WDR13: variants seen among roughly 807,000 people sequenced by gnomAD.
WDR13 encodes WD repeat-containing protein 13.
WDR13 carries 1 observed loss-of-function variant against 28.6 expected under a neutral mutation model. The observed-to-expected ratio is 0.03, with a 90% CI of 0.01 to 0.17. The LOEUF (loss-of-function observed/expected upper bound fraction) is 0.17, where lower values mean the gene tolerates loss of function less well. WDR13 is among the 10% of genes least tolerant of loss of function. WDR13 has a pLI of 1.00. For synonymous variants in WDR13, 201 were observed against 185.9 expected, an observed-to-expected ratio of 1.08 and a Z score of -0.66; for missense variants, 264 against 469.3, an observed-to-expected ratio of 0.56 and a Z score of 4.04.
At chrX:48,598,668 A>G in intron 2 of WDR13, 49 bp from the exon 3 acceptor site, 2 of 469,329 alleles carry the variant, frequency 4.3e-6, no homozygotes, top group Non-Finnish European at 6.0e-6. Context: ...GAGCTGATTG[A>G]TTCCCTCTGT....
intron 6 of WDR13, among the ~76,000 whole-genome samples, chrX:48,601,260 T>C (rs1360481136): frequency 8.9e-6 from 1 of 112,771 alleles, no homozygotes; most frequent in East Asian, 2.8e-4. Context: ...ATGATGAGGC[T>C]GAGCCTCGTC....
chrX:48,599,300 A>T, intron 3 of WDR13, 53 bp from the exon 4 acceptor site: 1 of 989,944 alleles, frequency 1.0e-6, no homozygotes, highest in Non-Finnish European at 1.4e-6. Context: ...CACACCTCAA[A>T]GGTTCTCGGG....
At position 48,598,002 on chromosome X, in the gene WDR13, C is replaced by T. The variant is rs1353704048; in HGVS notation, c.6C>T (p.Ala2=). 6.0e-6 allele frequency: 7 copies of T among 1,164,258 alleles called. No individual in the cohort carries two copies. Among genetic ancestry groups the T allele is most frequent in the East Asian group, 6.6e-5 (2 of 30,454 alleles). The change falls in exon 2 of 10, where the codon GCC becomes GCT. Residue 2 remains alanine (A), a synonymous_variant. Coordinates refer to ENST00000376729, the MANE Select transcript of WDR13 (RefSeq NM_001347217.2). M[A]AVWQQVLAVD... ...CCAGAGGAGGAGGCCGGGGAATGGC[C>T]GCGGTGTGGCAGCAAGTCTTAGCAG...
At position 48,600,555 on chromosome X, in the gene WDR13, G is replaced by C. The variant is rs1316601231; in HGVS notation, c.760G>C (p.Glu254Gln). 8.3e-7 allele frequency: 1 copy of C among 1,210,566 alleles called. No homozygotes were observed. Among genetic ancestry groups the C allele is most frequent in the African/African-American group, 1.7e-5 (1 of 57,451 alleles). Residue 254 changes from glutamate to glutamine, a missense_variant, in exon 6 of 10, where the codon GAG (glutamate) becomes CAG (glutamine). Transcript: ENST00000376729. ...CTCTGAGGATGGTCGCTGCATCCGA[G>C]AGATCCCTGACCCCGATAGCGCTGA... ...WASEDGRCIR[E>Q]IPDPDSAELL... is the part of the protein sequence containing the mutation.
At chrX:48,600,912 G>A (rs782647786) in intron 6 of WDR13, among the ~76,000 whole-genome samples, 21 of 96,714 alleles carry the variant, frequency 2.2e-4, no homozygotes, top group African/African-American at 4.9e-4. Context: ...TGGCTAACAC[G>A]GTGAAACCCC....
In WDR13 at chrX:48,600,422, G is replaced by A. The variant is rs145529536; in HGVS notation, c.627G>A (p.Val209=). 1.2e-4 allele frequency: 142 copies of A among 1,211,246 alleles called. 1 individual carries two copies. In the African/African-American group the frequency reaches 2.0e-3, roughly 17 times the overall value. Residue 209 remains valine, a synonymous_variant, in exon 6 of 10, where the codon GTG becomes GTA. Coordinates refer to ENST00000376729, the MANE Select transcript of WDR13 (RefSeq NM_001347217.2). The part of the protein sequence containing the change: ...LCQLVPAPPT[V]LRVLRGHTRG... ...AGCTGGTGCCTGCCCCACCCACAGT[G>A]CTTCGCGTGCTACGGGGCCACACCC...
At chrX:48,598,664 A>T in intron 2 of WDR13, 53 bp from the exon 3 acceptor site, 27 of 378,583 alleles carry the variant, frequency 7.1e-5, no homozygotes, top group Admixed American at 1.1e-4. Context: ...CCCCGAGCTG[A>T]TTGATTCCCT....
At position 48,602,243 on chromosome X, in the gene WDR13, C is replaced by T. The variant is rs782188613; in HGVS notation, c.1154+37C>T. On this transcript the variant is annotated intron_variant, in intron 8 of 9. Coordinates refer to ENST00000376729, the MANE Select transcript of WDR13 (RefSeq NM_001347217.2). ...ATCAGGGCCTCCTGGAGACGGAGGA[C>T]CTGCCTCCTCCAGCACACTGGGACA... The T allele has an allele frequency of 2.5e-6, 3 of 1,177,167 alleles. No homozygotes were observed. In the East Asian group the frequency reaches 9.0e-5, roughly 35 times the overall value.
At chrX:48,600,681 T>C (rs782557529) in intron 6 of WDR13, 55 bp downstream of exon 6, 2 of 1,155,659 alleles carry the variant, frequency 1.7e-6, no homozygotes, top group Non-Finnish European at 2.3e-6. Context: ...TCAGGAAGGC[T>C]ATCTGAGGGA....
rs782720352 is a variant in WDR13, at chrX:48,604,906, T to C, written c.1332T>C (p.Ala444=). ...HFFDVERAAK[A]AVNKLQGHSA... ...TTGATGTGGAGCGGGCGGCCAAGGCTGCTGTCAACAAGCTGCAGGGCCACA... is the reference window on the plus strand; with the variant it reads ...TTGATGTGGAGCGGGCGGCCAAGGCCGCTGTCAACAAGCTGCAGGGCCACA... The change falls in exon 10 of 10, where the codon GCT becomes GCC. Residue 444 remains alanine (A), a synonymous_variant. Transcript: ENST00000376729. The C allele has an allele frequency of 8.3e-6, 10 of 1,210,386 alleles. No homozygotes were observed. In the South Asian group the frequency reaches 1.8e-4, roughly 21 times the overall value.
rs2062229080 is a variant in WDR13 at position 48,607,544 on chromosome X, T to A, written c.*2512T>A. ...CAGCAAGCTCGGCTAATTTTTGTAT[T>A]TTTAGTAGGGATGGGGTTTCACCAT... On this transcript the variant is annotated 3_prime_UTR_variant, in exon 10 of 10. Coordinates refer to ENST00000376729, the MANE Select transcript of WDR13 (RefSeq NM_001347217.2). The A allele has an allele frequency of 1.8e-5, 2 of 108,792 alleles. No individual in the cohort carries two copies. Among genetic ancestry groups the A allele is most frequent in the African/African-American group, 6.7e-5 (2 of 29,810 alleles). The allele number at this position is 108,792 out of a possible 1,213,427, so 9.0% of individuals were successfully genotyped here.
chrX:48,603,763 A>C (rs1490320018), intron 8 of WDR13, among the ~76,000 whole-genome samples: 4 of 111,518 alleles, frequency 3.6e-5, no homozygotes, highest in Non-Finnish European at 7.5e-5. Flanking sequence ...ATTCTCTCTA[A>C]GGGCTGTGCA....
At chrX:48,599,526 T>A in intron 4 of WDR13, 61 bp from the exon 5 acceptor site, 2 of 1,208,641 alleles carry the variant, frequency 1.7e-6, no homozygotes, top group Non-Finnish European at 2.2e-6. Flanking sequence ...CCTGGGGCAA[T>A]GGCAGACTGA....
Position 48,598,807 on chromosome X carries a change from T to C in WDR13, c.132T>C (p.Ala44=), listed in dbSNP as rs1556993514. 4 of 1,207,045 alleles carry C rather than the reference T, an allele frequency of 3.3e-6. No individual in the cohort carries two copies. Among genetic ancestry groups the C allele is most frequent in the East Asian group, 3.0e-5 (1 of 33,672 alleles). Residue 44 remains alanine (A), a synonymous_variant, in exon 3 of 10, where the codon GCT becomes GCC. Transcript: ENST00000376729. The part of the protein sequence containing the change: ...RSQLLRENAK[A]GHPPALRRQY... ...AGCTGCTGCGGGAGAATGCCAAGGC[T>C]GGGCACCCCCCAGCGCTGCGTCGGC... is the stretch of plus-strand genomic sequence containing the variant.
At chrX:48,599,957 C>G (rs1163005619) in intron 5 of WDR13, 1 of 451,244 alleles carries the variant, frequency 2.2e-6, no homozygotes, top group African/African-American at 2.4e-5. Context: ...TCCTGAGTCA[C>G]TTGGAAGAGT....
chrX:48,601,814 A>G lies in WDR13; in HGVS notation c.862A>G (p.Met288Val). The change falls in exon 7 of 10, where the codon ATG becomes GTG. Residue 288 changes from methionine (M) to valine (V), a missense_variant. Met to Val is a conservative substitution (Grantham distance 21). Transcript: ENST00000376729. ...GAACGCCAAGCACAACGTGCATGTC[A>G]TGAACATCTCCACAGGCAAGAAAGT... Reference protein sequence around the residue: ...VGNAKHNVHVMNISTGKKVKG... With the variant: ...VGNAKHNVHVVNISTGKKVKG... 1 of 1,189,799 alleles carries G rather than the reference A, an allele frequency of 8.4e-7. No homozygotes were observed. The highest frequency in any genetic ancestry group is 3.0e-5 in the East Asian group (1 of 33,634).
chrX:48,604,697 A>G, intron 9 of WDR13, 151 bp from the exon 10 acceptor site: 1 of 591,714 alleles, frequency 1.7e-6, no homozygotes, highest in Non-Finnish European at 2.6e-6. Context: ...GTGACCTCCC[A>G]TCTAGGGATG....
At chrX:48,604,074 G>C (rs1226538604) in intron 8 of WDR13, 198 bp from the exon 9 acceptor site, 1 of 397,912 alleles carries the variant, frequency 2.5e-6, no homozygotes, top group African/African-American at 2.6e-5. Flanking sequence ...AGGAGGTTGA[G>C]GCTGCAGTGA....
rs1556994176 is a variant in WDR13, at chrX:48,600,633, C to A, written c.831+7C>A. The A allele has an allele frequency of 3.3e-6, 4 of 1,202,560 alleles. No homozygotes were observed. The highest frequency in any genetic ancestry group is 4.5e-6 in the Non-Finnish European group (4 of 891,565). ...CAACAACAACCTCACTGTGGTCAGGCTCCAGGACACCCACTCACCAAGGGC... is the reference window on the plus strand; with the variant it reads ...CAACAACAACCTCACTGTGGTCAGGATCCAGGACACCCACTCACCAAGGGC... On this transcript the variant is annotated splice_region_variant and intron_variant, in intron 6 of 9. Coordinates refer to ENST00000376729, the MANE Select transcript of WDR13 (RefSeq NM_001347217.2).
Sources: allele counts gnomAD v4.1 joint callset (sites outside exome capture counted in the v4.1 genomes callset), GRCh38; gene constraint gnomAD v4.1.1; transcripts MANE v1.5; gene names NCBI Gene and HGNC (gene_info 2026-07-23, HGNC 2026-07-21).